The following ARHGEF2 variants were observed in gnomAD, a reference collection of about 807,000 sequenced individuals.
ARHGEF2 encodes the protein rho guanine nucleotide exchange factor 2.
ARHGEF2 carries 22 observed loss-of-function variants against 121.0 expected under a neutral mutation model. The ratio of observed to expected loss-of-function variants is 0.18; its 90% CI spans 0.13 to 0.26. The LOEUF is 0.26. ARHGEF2 is among the 10% of genes least tolerant of loss of function. The pLI, the probability that ARHGEF2 is intolerant of heterozygous loss-of-function variation, is 1.00. For synonymous variants in ARHGEF2, 487 were observed against 530.0 expected, an observed-to-expected ratio of 0.92 and a Z score of 1.11; for missense variants, 907 against 1,336.0, an observed-to-expected ratio of 0.68 and a Z score of 5.01.
intron 1 of ARHGEF2, chr1:155,971,049 C>T (rs1256448376): frequency 1.1e-5 from 11 of 986,798 alleles, no homozygotes; most frequent in Non-Finnish European, 1.1e-5. Context: ...CTTGCTTCTC[C>T]GCCACTGTTC....
intron 14 of ARHGEF2, 93 bp from the exon 15 acceptor site, chr1:155,952,921 G>A (rs1342235784): frequency 4.4e-6 from 5 of 1,135,710 alleles, no homozygotes; most frequent in African/African-American, 1.6e-5. Flanking sequence ...GGTAGGGTGG[G>A]GCAGTGTGGC....
intron 13 of ARHGEF2, among the ~76,000 whole-genome samples, chr1:155,956,223 C>T (rs1486283651): frequency 3.9e-5 from 6 of 152,038 alleles, no homozygotes; most frequent in African/African-American, 1.2e-4. Flanking sequence ...CTCAGCTTCC[C>T]GCGTAACTGG....
chr1:155,969,084 G>T lies in ARHGEF2; in HGVS notation c.208+72C>A, dbSNP rs898471529. On this transcript the variant is annotated intron_variant, in intron 2 of 21. Transcript: ENST00000361247. The stretch of plus-strand genomic sequence containing the variant: ...AGAGTGACCCTCATGGATCCAGGCA[G>T]AAAAAACAGATGAAAAGATCAGGGT... The T allele has an allele frequency of 4.4e-6, 7 of 1,579,858 alleles. No individual in the cohort carries two copies. The African/African-American group carries it at 9.4e-5, about 21-fold the overall frequency.
chr1:155,968,732 G>A (rs1447546839), intron 2 of ARHGEF2: 6 of 174,142 alleles, frequency 3.4e-5, no homozygotes, highest in East Asian at 3.3e-4. Flanking sequence ...CCAGCTCTGC[G>A]CAGGAAGACA....
chr1:155,957,999 G>T, intron 12 of ARHGEF2, 117 bp from the exon 13 acceptor site: 1 of 1,101,218 alleles, frequency 9.1e-7, no homozygotes, highest in Non-Finnish European at 1.3e-6. Context: ...TACAATACCA[G>T]TTAAGAGCCA....
At chr1:155,976,207 G>T (rs1028414276) in intron 1 of ARHGEF2, among the ~76,000 whole-genome samples, 1 of 151,894 alleles carries the variant, frequency 6.6e-6, no homozygotes, top group Non-Finnish European at 1.5e-5. Flanking sequence ...TCCAGCGGGT[G>T]CCCCTCTACT....
At chr1:155,974,127 C>T (rs1680931654) in intron 1 of ARHGEF2, among the ~76,000 whole-genome samples, 2 of 152,124 alleles carry the variant, frequency 1.3e-5, no homozygotes, top group Admixed American at 1.3e-4. Flanking sequence ...CTCATGCGAT[C>T]CAGCTGCCTT....
Position 155,957,797 on chromosome 1 carries a change from G to A in ARHGEF2, c.1631C>T (p.Ala544Val), listed in dbSNP as rs199656150. 6.8e-6 allele frequency: 11 copies of A among 1,614,216 alleles called. No individual in the cohort carries two copies. Among genetic ancestry groups the A allele is most frequent in the African/African-American group, 1.3e-5 (1 of 75,072 alleles). Reference protein sequence around the residue: ...QEKGMFLISAAPPEMYEVHTA... With the variant: ...QEKGMFLISAVPPEMYEVHTA... ...GTGCACCTCGTACATCTCAGGTGGGGCTGCGCTGATCAGAAACATCCCTTT... is the reference window on the plus strand; with the variant it reads ...GTGCACCTCGTACATCTCAGGTGGGACTGCGCTGATCAGAAACATCCCTTT... Residue 544 changes from alanine to valine, a missense_variant, in exon 13 of 22, where the codon GCC becomes GTC. Around this residue, in one of 2 missense-constraint regions of ARHGEF2, gnomAD observed 475 missense variants for 776.5 expected, o/e 0.61. Transcript: ENST00000361247.
chr1:155,949,146 G>A (rs1376357309), intron 21 of ARHGEF2, among the ~76,000 whole-genome samples: 3 of 151,940 alleles, frequency 2.0e-5, no homozygotes, highest in African/African-American at 4.8e-5. Flanking sequence ...CCAGCTACTC[G>A]AGAGGCTGAG....
rs1350376280 is a variant in ARHGEF2 at position 155,978,052 on chromosome 1, C to T, written c.63+313G>A. The T allele has an allele frequency of 4.5e-6, 5 of 1,110,184 alleles. No individual in the cohort carries two copies. Among genetic ancestry groups the T allele is most frequent in the Non-Finnish European group, 5.5e-6 (5 of 907,726 alleles). 68.8% of individuals were successfully genotyped at this position (1,110,184 alleles called of 1,614,324 possible). On this transcript the variant is annotated intron_variant, in intron 1 of 21. Transcript: ENST00000361247. The surrounding 1 kb of genome is among the most constrained non-coding windows in gnomAD (Gnocchi z 4.1). ...CGCGAGACACACACCTCCCTCTTCC[C>T]GCTCCGTCCCTTACCGGAGCAACTT...
At chr1:155,960,942 G>T (rs1203952189) in intron 11 of ARHGEF2, among the ~76,000 whole-genome samples, 1 of 152,160 alleles carries the variant, frequency 6.6e-6, no homozygotes, top group Non-Finnish European at 1.5e-5. Flanking sequence ...TCTCCTCCCT[G>T]CCTGTCCTTC....
rs144140414 is a variant in ARHGEF2 at position 155,965,449 on chromosome 1, C to G, written c.471-37G>C. ...GGAGGCTGTCTGCATCACCCCCAGTCGGGCAAAAGATCCCTTCCCAGGTAG... is the reference window on the plus strand; with the variant it reads ...GGAGGCTGTCTGCATCACCCCCAGTGGGGCAAAAGATCCCTTCCCAGGTAG... On this transcript the variant is annotated intron_variant, in intron 5 of 21. Coordinates refer to ENST00000361247, the MANE Select transcript of ARHGEF2 (RefSeq NM_001162383.2). This position sits in a 1 kb window ranked among gnomAD's most constrained non-coding sequence, Gnocchi z 6.0. The G allele has an allele frequency of 1.9e-6, 3 of 1,606,348 alleles. No homozygotes were observed. Among genetic ancestry groups the G allele is most frequent in the Non-Finnish European group, 2.6e-6 (3 of 1,173,180 alleles).
At chr1:155,955,370 C>T (rs963214815) in intron 13 of ARHGEF2, among the ~76,000 whole-genome samples, 3 of 151,966 alleles carry the variant, frequency 2.0e-5, no homozygotes, top group Non-Finnish European at 2.9e-5. Context: ...GGTGATCCTC[C>T]GCCTCCCAAA....
At chr1:155,955,718 T>C (rs1438019893) in intron 13 of ARHGEF2, among the ~76,000 whole-genome samples, 1 of 152,112 alleles carries the variant, frequency 6.6e-6, no homozygotes, top group Non-Finnish European at 1.5e-5. Flanking sequence ...ATTTCCACAA[T>C]TATAATTTTT....
intron 1 of ARHGEF2, among the ~76,000 whole-genome samples, chr1:155,975,881 AAGGGGACCT>A (rs1681213560): frequency 6.6e-6 from 1 of 152,144 alleles, no homozygotes; most frequent in Non-Finnish European, 1.5e-5. Flanking sequence ...TAAAGAGAGA[AAGGGGACCT>A]GTGAGGTTTG....
At chr1:155,966,771 C>T (rs1679469314) in intron 3 of ARHGEF2, 49 bp downstream of exon 3, 2 of 1,499,460 alleles carry the variant, frequency 1.3e-6, no homozygotes, top group Non-Finnish European at 1.9e-6. Flanking sequence ...GAGGGTACCG[C>T]ACACTCACTA....
rs150114433 is a variant in ARHGEF2 at position 155,950,890 on chromosome 1, T to G, written c.2642A>C (p.Asp881Ala). The change falls in exon 20 of 22, where the codon GAT becomes GCT. Residue 881 changes from aspartate to alanine, a missense_variant. Asp to Ala is a moderately radical substitution (Grantham distance 126). Transcript: ENST00000361247. This position sits in a 1 kb window ranked among gnomAD's most constrained non-coding sequence, Gnocchi z 5.2. ...AEAPWARRPVDPRRRSLPAGD... is the reference protein window; with the variant it reads ...AEAPWARRPVAPRRRSLPAGD... ...TGCGGGGAGGCTGCGCCGCCGAGGA[T>G]CCACAGGTCTGCGGGCCCAGGGGGC... 6.3e-7 allele frequency: 1 copy of G among 1,578,232 alleles called. No individual in the cohort carries two copies. The highest frequency in any genetic ancestry group is 8.6e-7 in the Non-Finnish European group (1 of 1,162,750).
intron 1 of ARHGEF2, chr1:155,971,069 G>A (rs985027153): frequency 9.0e-5 from 89 of 985,820 alleles, no homozygotes; most frequent in Non-Finnish European, 1.0e-4. Flanking sequence ...CTCCTCTCCC[G>A]CCCACAGCCT....
At chr1:155,958,911 G>C (rs976153787) in intron 11 of ARHGEF2, among the ~76,000 whole-genome samples, 1 of 125,924 alleles carries the variant, frequency 7.9e-6, no homozygotes, top group African/African-American at 2.9e-5. Context: ...CAGTGTGGGT[G>C]GGGGGTGGGG....
Sources: allele counts gnomAD v4.1 joint callset (sites outside exome capture counted in the v4.1 genomes callset), GRCh38; gene constraint gnomAD v4.1.1; regional missense constraint gnomAD v4.1.1; non-coding constraint Gnocchi (gnomAD v3.1); transcripts MANE v1.5; gene names NCBI Gene and HGNC (gene_info 2026-07-23, HGNC 2026-07-21).